ARID1B: variants seen among roughly 807,000 people sequenced by gnomAD.
The protein encoded by ARID1B is AT-rich interactive domain-containing protein 1B.
In ARID1B, 30 loss-of-function variants were observed where a neutral mutation model predicts 212.3. The ratio of observed to expected loss-of-function variants is 0.14; its 90% CI spans 0.11 to 0.19. The LOEUF (loss-of-function observed/expected upper bound fraction) is 0.19. ARID1B is among the 10% of genes least tolerant of loss of function. The probability of loss-of-function intolerance (pLI) is 1.00; values close to 1 mark genes in which losing one functional copy is unlikely to be tolerated. For missense variants in ARID1B, 2,891 were observed against 3,204.0 expected (o/e 0.90, Z 2.36); for synonymous variants, 1,402 against 1,301.7 (o/e 1.08, Z -1.66).
intron 4 of ARID1B, among the ~76,000 whole-genome samples, chr6:156,966,386 C>CTTTTTTTTTTTTTTTTTT (rs1214987532): frequency 5.1e-5 from 2 of 38,912 alleles, no homozygotes; most frequent in African/African-American, 1.6e-4. Flanking sequence ...CTTTTCTTTT[C>CTTTTTTTTTTTTTTTTTT]TTTTTTTTTT....
intron 2 of ARID1B, among the ~76,000 whole-genome samples, chr6:156,897,209 G>GCTC (rs1788493760): frequency 4.1e-5 from 3 of 73,052 alleles, no homozygotes; most frequent in Admixed American, 1.3e-4. Context: ...TGCTGCTGCT[G>GCTC]CTGCTGCTGC....
At chr6:156,888,036 A>G (rs983163200) in intron 2 of ARID1B, among the ~76,000 whole-genome samples, 1 of 152,150 alleles carries the variant, frequency 6.6e-6, no homozygotes. Context: ...TCTCAAAGAG[A>G]ACAGTCTTTT....
chr6:157,056,479 T>C (rs1278508040), intron 4 of ARID1B, among the ~76,000 whole-genome samples: 5 of 152,220 alleles, frequency 3.3e-5, no homozygotes, highest in African/African-American at 1.2e-4. Context: ...AGATAAGTAA[T>C]TTCTTACTAC....
chr6:157,146,450 G>A (rs1332803744), intron 7 of ARID1B, among the ~76,000 whole-genome samples: 2 of 152,174 alleles, frequency 1.3e-5, no homozygotes, highest in Non-Finnish European at 2.9e-5. Flanking sequence ...TTCAGCTCCA[G>A]AAGTGCTCAT....
At chr6:157,176,028 G>A (rs972079673) in intron 11 of ARID1B, among the ~76,000 whole-genome samples, 1 of 152,220 alleles carries the variant, frequency 6.6e-6, no homozygotes, top group Non-Finnish European at 1.5e-5. Flanking sequence ...CCAAAAGGAG[G>A]CTGCTATTAA....
chr6:157,030,567 A>AG (rs1445655168), intron 4 of ARID1B, among the ~76,000 whole-genome samples: 1 of 152,174 alleles, frequency 6.6e-6, no homozygotes, highest in African/African-American at 2.4e-5. Context: ...TCCTCTGTGG[A>AG]GGTATCCTCA....
intron 13 of ARID1B, among the ~76,000 whole-genome samples, chr6:157,188,734 G>A (rs185946897): frequency 1.3e-5 from 2 of 152,258 alleles, no homozygotes; most frequent in East Asian, 3.9e-4. Context: ...ACTATAGTAG[G>A]TGTATTACTC....
At chr6:157,127,660 C>T (rs1315299832) in intron 6 of ARID1B, among the ~76,000 whole-genome samples, 2 of 151,588 alleles carry the variant, frequency 1.3e-5, no homozygotes, top group Admixed American at 6.6e-5. Flanking sequence ...CCTGTAATCC[C>T]AGCTACTCAG....
intron 4 of ARID1B, among the ~76,000 whole-genome samples, chr6:157,082,251 G>A (rs1257304081): frequency 2.0e-5 from 3 of 152,160 alleles, no homozygotes; most frequent in Non-Finnish European, 4.4e-5. Flanking sequence ...CAAGGAATAG[G>A]CAAAGGCAGT....
rs1048025407 is a variant in ARID1B at position 156,936,663 on chromosome 6, A to C, written c.2247+1087A>C. On this transcript the variant is annotated intron_variant, in intron 4 of 19. Transcript: ENST00000636930. ...AAACAGAGCGAGACTCCATCTCAAAAAAAAAAAAAAAAAAAAGAATAAATC... is the reference window on the plus strand; with the variant it reads ...AAACAGAGCGAGACTCCATCTCAAACAAAAAAAAAAAAAAAAGAATAAATC... 3 of 118,456 alleles carry C rather than the reference A, an allele frequency of 2.5e-5. No individual in the cohort carries two copies. In the South Asian group the frequency reaches 7.5e-4, roughly 30 times the overall value. The allele number at this position is 118,456 out of a possible 1,614,324, so 7.3% of individuals were successfully genotyped here.
Position 156,935,456 on chromosome 6 carries a change from T to G in ARID1B, c.2137-10T>G, listed in dbSNP as rs2128274409. ...TTTATGAAGTGCTTTGTGTTTGTGT[T>G]TTTTTTTAGGACATGTCTCAGGAAG... is the stretch of plus-strand genomic sequence containing the variant. On this transcript the variant is annotated splice_polypyrimidine_tract_variant and intron_variant, in intron 3 of 19. Coordinates refer to ENST00000636930, the MANE Select transcript of ARID1B (RefSeq NM_001374828.1). 2.5e-6 allele frequency: 4 copies of G among 1,598,482 alleles called. No homozygotes were observed. Among genetic ancestry groups the G allele is most frequent in the East Asian group, 2.2e-5 (1 of 44,780 alleles).
chr6:157,050,095 C>G (rs1782495034), intron 4 of ARID1B, among the ~76,000 whole-genome samples: 1 of 152,162 alleles, frequency 6.6e-6, no homozygotes, highest in South Asian at 2.1e-4. Flanking sequence ...CCTGACTCAG[C>G]CCCCACCTCA....
intron 12 of ARID1B, among the ~76,000 whole-genome samples, chr6:157,182,742 G>A (rs751387923): frequency 6.6e-6 from 1 of 152,150 alleles, no homozygotes; most frequent in Non-Finnish European, 1.5e-5. Flanking sequence ...CTGCTAAGTC[G>A]TGTGATACCA....
chr6:157,102,736 A>G (rs561345719), intron 5 of ARID1B, among the ~76,000 whole-genome samples: 1 of 149,214 alleles, frequency 6.7e-6, no homozygotes, highest in Non-Finnish European at 1.5e-5. Context: ...GGCTGAGATT[A>G]CAGGTGTACG....
chr6:156,975,763 A>G (rs1777197928), intron 4 of ARID1B, among the ~76,000 whole-genome samples: 1 of 151,644 alleles, frequency 6.6e-6, no homozygotes, highest in Non-Finnish European at 1.5e-5. Context: ...TCTTCCCCCC[A>G]TCTTTCCATG....
rs55660810 is a variant in ARID1B at position 156,906,546 on chromosome 6, CAAAAAAAAAAA to C, written c.2136+5040_2136+5050del. On this transcript the variant is annotated intron_variant, in intron 3 of 19. Coordinates refer to ENST00000636930, the MANE Select transcript of ARID1B (RefSeq NM_001374828.1). ...GGCAACAAGAGCGAAACTCCATCTC[CAAAAAAAAAAA>C]AAAAAAAAAAAAAAAAAAGCACCAG... is the stretch of plus-strand genomic sequence containing the variant. Among the ~76,000 whole-genome samples the C allele has an allele frequency of 3.0e-3, 119 of 39,686 alleles. 3 individuals carry two copies. The South Asian group carries it at 0.097, about 32-fold the overall frequency. The allele number at this position is 39,686 out of a possible 152,430, so 26.0% of individuals were successfully genotyped here.
At chr6:156,825,222 G>A (rs1782658989) in intron 1 of ARID1B, among the ~76,000 whole-genome samples, 1 of 152,162 alleles carries the variant, frequency 6.6e-6, no homozygotes, top group Admixed American at 6.5e-5. Context: ...ACCCTCAGTT[G>A]TACATTTTTA....
At chr6:156,890,792 A>G (rs1787866703) in intron 2 of ARID1B, among the ~76,000 whole-genome samples, 1 of 152,254 alleles carries the variant, frequency 6.6e-6, no homozygotes, top group South Asian at 2.1e-4. Flanking sequence ...GCTTTAGTAT[A>G]CAGTGCATAC....
intron 2 of ARID1B, among the ~76,000 whole-genome samples, chr6:156,844,673 G>A (rs149886502): frequency 6.6e-6 from 1 of 152,158 alleles, no homozygotes; most frequent in African/African-American, 2.4e-5. Flanking sequence ...GTAAAGAAGT[G>A]AAGTTTTGAA....
Sources: gnomAD v4.1 joint callset for allele counts (sites outside exome capture counted in the v4.1 genomes callset) on GRCh38, gnomAD v4.1.1 for gene constraint, MANE v1.5 for transcripts, NCBI Gene and HGNC (gene_info 2026-07-23, HGNC 2026-07-21) for gene names.